The following ZNF385D variants were observed in gnomAD, a reference collection of about 807,000 sequenced individuals.
The protein encoded by ZNF385D is zinc finger protein 659.
A neutral mutation model predicts 35.8 loss-of-function variants in ZNF385D; 15 were observed. That is an observed-to-expected ratio of 0.42 (90% CI 0.28 to 0.64). The LOEUF is 0.64. Among genes scored for constraint, ZNF385D ranks in the 30% least tolerant of loss-of-function variants. The pLI, the probability that ZNF385D is intolerant of heterozygous loss-of-function variation, is 0.23. For missense variants in ZNF385D, 474 were observed against 494.6 expected, an observed-to-expected ratio of 0.96 and a Z score of 0.39; for synonymous variants, 212 against 186.8, an observed-to-expected ratio of 1.13 and a Z score of -1.10.
At chr3:21,633,069 T>C (rs115994239) in intron 2 of ZNF385D, among the ~76,000 whole-genome samples, 26 of 152,246 alleles carry the variant, frequency 1.7e-4, no homozygotes, top group Middle Eastern at 3.4e-3. Context: ...TAAAATTTGG[T>C]ATATTCTAGA....
At chr3:21,441,889 A>AAGAGAAAGATTTGAG (rs1701878549) in intron 4 of ZNF385D, 1 of 263,598 alleles carries the variant, frequency 3.8e-6, no homozygotes, top group South Asian at 1.4e-4. Flanking sequence ...ATTCAGTGAG[A>AAGAGAAAGATTTGAG]AGAGAAAGAT....
chr3:22,322,428 C>A (rs1275067629), intron 2 of ZNF385D, among the ~76,000 whole-genome samples: 1 of 152,102 alleles, frequency 6.6e-6, no homozygotes, highest in East Asian at 1.9e-4. Flanking sequence ...CTCTATCTCC[C>A]AGTACTATAA....
At chr3:22,009,623 A>C (rs1696441129) in intron 3 of ZNF385D, among the ~76,000 whole-genome samples, 1 of 65,868 alleles carries the variant, frequency 1.5e-5, no homozygotes, top group African/African-American at 1.3e-4. Context: ...ACTCTGTCTC[A>C]AAAAAAAAAA....
chr3:22,260,913 T>G (rs1700593498), intron 2 of ZNF385D, among the ~76,000 whole-genome samples: 1 of 152,088 alleles, frequency 6.6e-6, no homozygotes. Context: ...TTAATAAACC[T>G]AACCATTATG....
chr3:21,946,549 A>G (rs35541916), intron 3 of ZNF385D, among the ~76,000 whole-genome samples: 39,438 of 149,170 alleles, frequency 0.26, 5,808 homozygotes, highest in Admixed American at 0.42. Flanking sequence ...TTACTTTCTC[A>G]GGCCAAGCAC....
chr3:21,601,883 A>G (rs1227145598), intron 2 of ZNF385D, among the ~76,000 whole-genome samples: 2 of 152,172 alleles, frequency 1.3e-5, no homozygotes, highest in Non-Finnish European at 2.9e-5. Flanking sequence ...ACTTTCCCCA[A>G]CATTGTCATC....
intron 3 of ZNF385D, among the ~76,000 whole-genome samples, chr3:21,966,856 T>C (rs1292693954): frequency 6.6e-6 from 1 of 152,210 alleles, no homozygotes; most frequent in East Asian, 1.9e-4. Flanking sequence ...CGAAGGATTA[T>C]AGGGATTATA....
intron 3 of ZNF385D, among the ~76,000 whole-genome samples, chr3:22,000,516 T>C (rs186355522): frequency 6.6e-6 from 1 of 152,176 alleles, no homozygotes; most frequent in East Asian, 1.9e-4. Context: ...CCCATAAAAA[T>C]GGGCAACCAA....
chr3:21,676,632 A>G (rs1017554691), intron 1 of ZNF385D, among the ~76,000 whole-genome samples: 1 of 152,096 alleles, frequency 6.6e-6, no homozygotes, highest in Admixed American at 6.6e-5. Context: ...ATAACTTTAC[A>G]TACATTATTT....
intron 2 of ZNF385D, among the ~76,000 whole-genome samples, chr3:22,313,151 C>G (rs1016724281): frequency 6.7e-6 from 1 of 149,890 alleles, no homozygotes; most frequent in Admixed American, 6.8e-5. Flanking sequence ...TCGCCAAGGA[C>G]AAAAACCAAA....
chr3:21,690,201 G>C (rs1421255405), intron 1 of ZNF385D, among the ~76,000 whole-genome samples: 2 of 152,026 alleles, frequency 1.3e-5, no homozygotes, highest in East Asian at 3.9e-4. Flanking sequence ...TTGTGTTTGT[G>C]TGTGTGCATA....
chr3:22,179,943 G>A (rs1444693224), intron 2 of ZNF385D, among the ~76,000 whole-genome samples: 2 of 152,110 alleles, frequency 1.3e-5, no homozygotes, highest in African/African-American at 4.8e-5. Context: ...GATCAGAGCA[G>A]AACTGAAGGA....
In ZNF385D at chr3:22,144,761, CACA is replaced by C. The variant is rs912826743; in HGVS notation, c.325+24053_325+24055del. Among the ~76,000 whole-genome samples, 8 of 151,884 alleles carry C rather than the reference CACA, an allele frequency of 5.3e-5. No individual in the cohort carries two copies. In the South Asian group the frequency reaches 1.0e-3, roughly 20 times the overall value. ...TCAAGTAAATAAGCAAGTTCATATTCACAACAATTATAAAATAAAATACATTTA... is the reference window on the plus strand; with the variant it reads ...TCAAGTAAATAAGCAAGTTCATATTCACAATTATAAAATAAAATACATTTA... On this transcript the variant is annotated intron_variant, in intron 3 of 5. Coordinates refer to the ZNF385D transcript ENST00000494108.
chr3:21,969,920 T>A (rs1212523327), intron 3 of ZNF385D, among the ~76,000 whole-genome samples: 1 of 152,186 alleles, frequency 6.6e-6, no homozygotes, highest in Non-Finnish European at 1.5e-5. Flanking sequence ...CTGCCTGGTA[T>A]TCCAGAGAAC....
rs75268018 is a variant in ZNF385D, at chr3:22,250,798, T to A, written c.107-81763A>T. 3.4e-3 allele frequency among the ~76,000 whole-genome samples: 522 copies of A among 152,168 alleles called. 3 individuals are homozygous for A. The highest frequency in any genetic ancestry group is 0.011 in the African/African-American group (475 of 41,536). Reference sequence around the variant, plus strand: ...AGCAAAGGGCAAAATGTGCTGTCAGTGGAGAGTTTAGAGTGAATCTGTGGG... The same window carrying A: ...AGCAAAGGGCAAAATGTGCTGTCAGAGGAGAGTTTAGAGTGAATCTGTGGG... On this transcript the variant is annotated intron_variant, in intron 2 of 5. Coordinates refer to the ZNF385D transcript ENST00000494108.
At chr3:21,572,603 C>G (rs987599520) in intron 2 of ZNF385D, among the ~76,000 whole-genome samples, 3 of 152,138 alleles carry the variant, frequency 2.0e-5, no homozygotes, top group Non-Finnish European at 4.4e-5. Context: ...TCCCCGGGCC[C>G]TTGGGTTTTC....
At chr3:22,184,833 A>C (rs1056976703) in intron 2 of ZNF385D, among the ~76,000 whole-genome samples, 4 of 152,114 alleles carry the variant, frequency 2.6e-5, no homozygotes, top group African/African-American at 9.7e-5. Flanking sequence ...GGACAAATGG[A>C]CTACATTGCC....
intron 2 of ZNF385D, among the ~76,000 whole-genome samples, chr3:22,326,069 C>T (rs191659787): frequency 1.1e-3 from 162 of 152,250 alleles, no homozygotes; most frequent in African/African-American, 3.8e-3. Flanking sequence ...TTTCCTTTCC[C>T]CTCTCTCTTC....
chr3:21,832,637 C>G (rs1047499318), intron 3 of ZNF385D, among the ~76,000 whole-genome samples: 1 of 152,164 alleles, frequency 6.6e-6, no homozygotes. Context: ...TTCAACTTCA[C>G]ATTCTTGGAT....
Sources: gnomAD v4.1 joint callset for allele counts (sites outside exome capture counted in the v4.1 genomes callset) on GRCh38, gnomAD v4.1.1 for gene constraint, MANE v1.5 for transcripts, NCBI Gene and HGNC (gene_info 2026-07-23, HGNC 2026-07-21) for gene names.